PRPF3: variants seen among roughly 807,000 people sequenced by gnomAD.
PRPF3 encodes U4/U6 small nuclear ribonucleoprotein Prp3.
PRPF3 carries 3 observed loss-of-function variants against 89.2 expected under a neutral mutation model. The ratio of observed to expected loss-of-function variants is 0.03; its 90% CI spans 0.02 to 0.09. PRPF3 has a LOEUF of 0.09. Ranked by LOEUF, PRPF3 falls within the 10% of genes least tolerant of loss-of-function variation. The pLI, the probability that PRPF3 is intolerant of heterozygous loss-of-function variation, is 1.00. For synonymous variants in PRPF3, 270 were observed against 289.1 expected (o/e 0.93, Z 0.67); for missense variants, 463 against 828.8 (o/e 0.56, Z 5.42).
At position 150,333,161 on chromosome 1, in the gene PRPF3, G is replaced by C; in HGVS notation, c.690G>C (p.Val230=). ...KPGLIGNANM[V]GLANLHAMGI... ...GACTCATCGGCAATGCCAACATGGT[G>C]GGCCTGGCTAATCTCCATGCCATGG... The change falls in exon 6 of 16, where the codon GTG becomes GTC. Residue 230 remains valine (V), a synonymous_variant. Transcript: ENST00000324862. 6.2e-7 allele frequency: 1 copy of C among 1,614,236 alleles called. No homozygotes were observed. Among genetic ancestry groups the C allele is most frequent in the Non-Finnish European group, 8.5e-7 (1 of 1,180,052 alleles).
chr1:150,337,840 C>A (rs587609102), intron 7 of PRPF3, among the ~76,000 whole-genome samples: 1 of 151,862 alleles, frequency 6.6e-6, no homozygotes, highest in Non-Finnish European at 1.5e-5. Flanking sequence ...TTTGGGAGGC[C>A]GAGGCGGGCA....
At chr1:150,336,923 A>G (rs1467822939) in intron 7 of PRPF3, among the ~76,000 whole-genome samples, 1 of 151,928 alleles carries the variant, frequency 6.6e-6, no homozygotes. Flanking sequence ...TGACTAAGGA[A>G]GGCTTGCCTG....
chr1:150,326,394 C>T (rs1655708358), intron 3 of PRPF3, among the ~76,000 whole-genome samples: 1 of 152,196 alleles, frequency 6.6e-6, no homozygotes, highest in Non-Finnish European at 1.5e-5. Flanking sequence ...TGCTGGTCCT[C>T]TGCTGCCATG....
At chr1:150,348,493 TGCTC>T (rs1658556926) in intron 14 of PRPF3, among the ~76,000 whole-genome samples, 1 of 114,522 alleles carries the variant, frequency 8.7e-6, no homozygotes, top group African/African-American at 3.4e-5. Context: ...ATGGAGTCTT[TGCTC>T]TTTTGCCCAG....
intron 15 of PRPF3, among the ~76,000 whole-genome samples, chr1:150,351,817 C>CA (rs1251962556): frequency 6.6e-6 from 1 of 151,798 alleles, no homozygotes; most frequent in Non-Finnish European, 1.5e-5. Context: ...GCCCTACCTT[C>CA]ACATATCTCA....
chr1:150,347,618 C>T lies in PRPF3; in HGVS notation c.1843+1127C>T, dbSNP rs587626349. Among the ~76,000 whole-genome samples, 7 of 151,902 alleles carry T rather than the reference C, an allele frequency of 4.6e-5. 1 individual carries two copies. The highest frequency in any genetic ancestry group is 8.8e-5 in the Non-Finnish European group (6 of 67,968). On this transcript the variant is annotated intron_variant, in intron 14 of 15. Coordinates refer to ENST00000324862, the MANE Select transcript of PRPF3 (RefSeq NM_004698.4). ...TGGTGGACCTCTGTAATCCCAGCTACTCGGGAGGCTGAGGCAGGAGAATCG... is the reference window on the plus strand; with the variant it reads ...TGGTGGACCTCTGTAATCCCAGCTATTCGGGAGGCTGAGGCAGGAGAATCG...
At position 150,346,048 on chromosome 1, in the gene PRPF3, G is replaced by A; in HGVS notation, c.1671G>A (p.Lys557=). 2 of 1,614,190 alleles carry A rather than the reference G, an allele frequency of 1.2e-6. No individual in the cohort carries two copies. The highest frequency in any genetic ancestry group is 1.7e-6 in the Non-Finnish European group (2 of 1,180,038). ...GAAATTTGAGCAACCCAGCCAAGAAGTTCAAGATTGAAGCCAATGCTGGGC... is the reference window on the plus strand; with the variant it reads ...GAAATTTGAGCAACCCAGCCAAGAAATTCAAGATTGAAGCCAATGCTGGGC... ...RVRNLSNPAK[K]FKIEANAGQL... The change falls in exon 13 of 16, where the codon AAG becomes AAA. Residue 557 remains lysine, a synonymous_variant. Coordinates refer to ENST00000324862, the MANE Select transcript of PRPF3 (RefSeq NM_004698.4).
At chr1:150,349,090 G>T (rs1405992283) in intron 14 of PRPF3, 67 bp from the exon 15 acceptor site, 6 of 1,263,826 alleles carry the variant, frequency 4.7e-6, no homozygotes, top group South Asian at 1.2e-5. Flanking sequence ...AGTTTGGGTA[G>T]ACTTGAATAT....
intron 9 of PRPF3, among the ~76,000 whole-genome samples, chr1:150,341,698 G>A (rs587730846): frequency 1.7e-3 from 206 of 121,670 alleles, no homozygotes; most frequent in Middle Eastern, 0.016. Flanking sequence ...GAGCCACCGC[G>A]CCCGGCCTTT....
intron 9 of PRPF3, 34 bp from the exon 10 acceptor site, chr1:150,343,275 A>T: frequency 6.8e-7 from 1 of 1,467,862 alleles, no homozygotes; most frequent in Non-Finnish European, 9.3e-7. Context: ...ATGTATTCTT[A>T]CTGCTTTGGT....
At position 150,333,159 on chromosome 1, in the gene PRPF3, G is replaced by C; in HGVS notation, c.688G>C (p.Val230Leu). ...KPGLIGNANM[V>L]GLANLHAMGI... is the part of the protein sequence containing the mutation. The stretch of plus-strand genomic sequence containing the variant: ...AGGACTCATCGGCAATGCCAACATG[G>C]TGGGCCTGGCTAATCTCCATGCCAT... Residue 230 changes from valine (V) to leucine (L), a missense_variant, in exon 6 of 16, where the codon GTG (valine) becomes CTG (leucine). Physicochemically the swap from Val to Leu is conservative, Grantham distance 32 (BLOSUM62 1). Coordinates refer to ENST00000324862, the MANE Select transcript of PRPF3 (RefSeq NM_004698.4). 6.2e-7 allele frequency: 1 copy of C among 1,614,212 alleles called. No homozygotes were observed. The highest frequency in any genetic ancestry group is 8.5e-7 in the Non-Finnish European group (1 of 1,180,042).
At chr1:150,340,572 T>C in intron 9 of PRPF3, 95 bp downstream of exon 9, 4 of 946,242 alleles carry the variant, frequency 4.2e-6, no homozygotes, top group Non-Finnish European at 6.9e-6. Flanking sequence ...TGCTGTTCAA[T>C]ACAATAGCCA....
chr1:150,340,967 T>C (rs782662049), intron 9 of PRPF3, among the ~76,000 whole-genome samples: 1 of 151,538 alleles, frequency 6.6e-6, no homozygotes, highest in Non-Finnish European at 1.5e-5. Flanking sequence ...CAGCCGGGCA[T>C]GGTGGTGTGC....
At chr1:150,350,175 C>T (rs1658768080) in intron 15 of PRPF3, among the ~76,000 whole-genome samples, 1 of 150,142 alleles carries the variant, frequency 6.7e-6, no homozygotes, top group African/African-American at 2.5e-5. Context: ...GGATTACAGG[C>T]ATGAGCCACT....
At chr1:150,352,251 A>T (rs1229543810) in intron 15 of PRPF3, among the ~76,000 whole-genome samples, 1 of 152,192 alleles carries the variant, frequency 6.6e-6, no homozygotes, top group African/African-American at 2.4e-5. Flanking sequence ...AGTTTATCTC[A>T]TTCCACCTTC....
rs1553863333 is a variant in PRPF3, at chr1:150,325,019, C to T, written c.77C>T (p.Ser26Leu). 1.2e-6 allele frequency: 2 copies of T among 1,613,778 alleles called. No individual in the cohort carries two copies. Among genetic ancestry groups the T allele is most frequent in the Admixed American group, 1.7e-5 (1 of 59,936 alleles). The change falls in exon 2 of 16, where the codon TCA becomes TTA. Residue 26 changes from serine (S) to leucine (L), a missense_variant. Ser to Leu is a moderately radical substitution (Grantham distance 145). Transcript: ENST00000324862. Reference sequence around the variant, plus strand: ...ACAGTGAAGAGGGTCCTGGGTTTCTCAGAGCCTACGGTGGTCACAGCAGCA... The same window carrying T: ...ACAGTGAAGAGGGTCCTGGGTTTCTTAGAGCCTACGGTGGTCACAGCAGCA... ...EKTVKRVLGFSEPTVVTAALN... is the reference protein window; with the variant it reads ...EKTVKRVLGFLEPTVVTAALN...
chr1:150,344,292 G>A (rs782338815), intron 11 of PRPF3, 31 bp downstream of exon 11: 48 of 1,613,704 alleles, frequency 3.0e-5, no homozygotes, highest in East Asian at 4.5e-5. Context: ...TGGAAACCTC[G>A]GGCAAGTACC....
intron 15 of PRPF3, among the ~76,000 whole-genome samples, chr1:150,351,269 CAA>C (rs1658898292): frequency 6.6e-6 from 1 of 152,012 alleles, no homozygotes. Flanking sequence ...TGTCTCAAAA[CAA>C]AAGTCTCTTC....
chr1:150,323,921 C>T (rs773173359), intron 1 of PRPF3, among the ~76,000 whole-genome samples: 3 of 151,408 alleles, frequency 2.0e-5, no homozygotes, highest in Non-Finnish European at 4.4e-5. Flanking sequence ...GGATTACAGG[C>T]GCCTGCCACC....
Sources: gnomAD v4.1 joint callset for allele counts (sites outside exome capture counted in the v4.1 genomes callset) on GRCh38, gnomAD v4.1.1 for gene constraint, MANE v1.5 for transcripts, NCBI Gene and HGNC (gene_info 2026-07-23, HGNC 2026-07-21) for gene names.